GSE1: variants seen among roughly 807,000 people sequenced by gnomAD.
GSE1 encodes the protein Gse1 coiled-coil protein, also known as genetic suppressor element 1.
In GSE1, 32 loss-of-function variants were observed where a neutral mutation model predicts 112.6. The ratio of observed to expected loss-of-function variants is 0.28; its 90% CI spans 0.21 to 0.38. The LOEUF is 0.38. Among genes scored for constraint, GSE1 ranks in the 10% least tolerant of loss-of-function variants. The pLI is 1.00. For missense variants in GSE1, 2,348 were observed against 1,699.2 expected, an observed-to-expected ratio of 1.38 and a Z score of -6.71; for synonymous variants, 1,115 against 735.6, an observed-to-expected ratio of 1.52 and a Z score of -8.35.
Position 85,665,304 on chromosome 16 carries a change from A to G in GSE1, c.2758+176A>G, listed in dbSNP as rs147727374. Reference sequence around the variant, plus strand: ...ACAGTTGTGACAGTCATTGGGACGGAACGTCAGTTTGAAGGCGGGCTCAGA... The same window carrying G: ...ACAGTTGTGACAGTCATTGGGACGGGACGTCAGTTTGAAGGCGGGCTCAGA... On this transcript the variant is annotated intron_variant, in intron 12 of 15. Coordinates refer to ENST00000253458, the MANE Select transcript of GSE1 (RefSeq NM_014615.5). Among the ~76,000 whole-genome samples the G allele has an allele frequency of 7.2e-3, 1,097 of 152,118 alleles. 8 individuals are homozygous for G. The highest frequency in any genetic ancestry group is 0.012 in the Non-Finnish European group (836 of 68,028).
chr16:85,205,957 C>G (rs1209456071), intron 1 of GSE1, among the ~76,000 whole-genome samples: 1 of 152,204 alleles, frequency 6.6e-6, no homozygotes, highest in Non-Finnish European at 1.5e-5. Context: ...TCCTCCCTCA[C>G]GGAGCTTCCA....
chr16:85,614,422 G>A (rs1283153901), intron 1 of GSE1, among the ~76,000 whole-genome samples: 1 of 151,318 alleles, frequency 6.6e-6, no homozygotes, highest in East Asian at 2.0e-4. Flanking sequence ...CCAGCTTTCC[G>A]CCTCCCCTCC....
rs116942327 is a variant in GSE1, at chr16:85,184,455, T to C, written c.2283+12648T>C. ...AACCTCAGTGATGCCTGCTAAATTA[T>C]ACTTAAGAAGGGGGCCAGGCACTGG... On this transcript the variant is annotated intron_variant, in intron 1 of 2. Coordinates refer to the GSE1 transcript ENST00000637419. 7.3e-3 allele frequency among the ~76,000 whole-genome samples: 1,117 copies of C among 152,374 alleles called. 1 individual carries two copies. The highest frequency in any genetic ancestry group is 0.012 in the Non-Finnish European group (846 of 68,028).
At chr16:85,227,869 A>C (rs1198300862) in intron 1 of GSE1, among the ~76,000 whole-genome samples, 1 of 152,246 alleles carries the variant, frequency 6.6e-6, no homozygotes, top group African/African-American at 2.4e-5. Context: ...AGTGAACAAG[A>C]GAGGGAGGGC....
intron 2 of GSE1, among the ~76,000 whole-genome samples, chr16:85,398,879 C>T (rs990320421): frequency 4.6e-5 from 7 of 151,932 alleles, no homozygotes; most frequent in Non-Finnish European, 7.4e-5. Flanking sequence ...GAGTGCGCAC[C>T]GACATGTGTG....
Position 85,447,261 on chromosome 16 carries a change from C to A in GSE1, c.2464+89618C>A, listed in dbSNP as rs1351602502. Among the ~76,000 whole-genome samples, 4 of 152,184 alleles carry A rather than the reference C, an allele frequency of 2.6e-5. No homozygotes were observed. The South Asian group carries it at 8.3e-4, about 31-fold the overall frequency. ...TGGGCCCTGTTTCCGCACAAGGATT[C>A]TTTCTTGGACCACTCTTTTGGCTAC... On this transcript the variant is annotated intron_variant, in intron 2 of 2. Coordinates refer to the GSE1 transcript ENST00000637419.
intron 1 of GSE1, among the ~76,000 whole-genome samples, chr16:85,319,464 C>T (rs1222549016): frequency 6.6e-6 from 1 of 152,126 alleles, no homozygotes; most frequent in East Asian, 1.9e-4. Context: ...CTCACCCTTC[C>T]GTTCCAGCGG....
intron 1 of GSE1, among the ~76,000 whole-genome samples, chr16:85,253,665 G>A (rs1187460027): frequency 7.9e-5 from 12 of 152,320 alleles, no homozygotes; most frequent in East Asian, 1.9e-4. Flanking sequence ...AGGACATCCC[G>A]CCCAGCCTCC....
intron 2 of GSE1, among the ~76,000 whole-genome samples, chr16:85,362,755 G>C (rs558710689): frequency 1.8e-4 from 28 of 152,200 alleles, no homozygotes; most frequent in Admixed American, 1.8e-3. Flanking sequence ...ATCAGTGGTG[G>C]CCCTGGAGTA....
chr16:85,443,729 G>A (rs907665418), intron 2 of GSE1, among the ~76,000 whole-genome samples: 3 of 152,212 alleles, frequency 2.0e-5, no homozygotes, highest in African/African-American at 4.8e-5. Flanking sequence ...CGCACCAGAG[G>A]GGCCTAGCGT....
intron 1 of GSE1, among the ~76,000 whole-genome samples, chr16:85,264,496 C>T (rs943948064): frequency 2.0e-5 from 3 of 152,094 alleles, no homozygotes; most frequent in East Asian, 3.9e-4. Flanking sequence ...CCTCCCTCCT[C>T]GGCCGACTCT....
intron 1 of GSE1, among the ~76,000 whole-genome samples, chr16:85,602,953 C>A (rs912119515): frequency 5.3e-5 from 8 of 152,230 alleles, no homozygotes; most frequent in African/African-American, 9.6e-5. Flanking sequence ...GCAGGCCTTG[C>A]TTCCCTGTGC....
At chr16:85,348,721 G>A (rs1423975147) in intron 1 of GSE1, among the ~76,000 whole-genome samples, 2 of 152,314 alleles carry the variant, frequency 1.3e-5, no homozygotes, top group East Asian at 3.9e-4. Flanking sequence ...TCTGGATCGT[G>A]CTTTTGTGCA....
intron 2 of GSE1, among the ~76,000 whole-genome samples, chr16:85,497,249 G>C (rs919118895): frequency 6.6e-6 from 1 of 152,190 alleles, no homozygotes; most frequent in Admixed American, 6.5e-5. Flanking sequence ...TCCTGAAGGC[G>C]GAGTGGGTGG....
intron 2 of GSE1, among the ~76,000 whole-genome samples, chr16:85,492,978 G>C (rs961926923): frequency 7.2e-5 from 11 of 152,184 alleles, no homozygotes; most frequent in Non-Finnish European, 1.2e-4. Flanking sequence ...GTATGTGATC[G>C]GTCTGTGGGA....
chr16:85,351,819 G>A (rs754038211), intron 1 of GSE1, among the ~76,000 whole-genome samples: 4 of 152,076 alleles, frequency 2.6e-5, no homozygotes, highest in East Asian at 1.9e-4. Context: ...GTGAAAGCCC[G>A]TCTTTGCTAA....
intron 2 of GSE1, among the ~76,000 whole-genome samples, chr16:85,377,022 A>G (rs1001412217): frequency 1.3e-5 from 2 of 152,162 alleles, no homozygotes; most frequent in African/African-American, 2.4e-5. Context: ...CCTGCCTCCC[A>G]CCTTCACCGA....
intron 1 of GSE1, among the ~76,000 whole-genome samples, chr16:85,238,688 C>T (rs369625680): frequency 9.9e-5 from 15 of 152,280 alleles, no homozygotes; most frequent in East Asian, 9.7e-4. Context: ...GATCTCCCTG[C>T]TGTAGCCAGC....
chr16:85,622,080 T>A (rs182249047), intron 1 of GSE1, among the ~76,000 whole-genome samples: 1 of 152,270 alleles, frequency 6.6e-6, no homozygotes, highest in Admixed American at 6.5e-5. Context: ...ACAGAATCAT[T>A]TAGACTTAAG....
Sources: gnomAD v4.1 joint callset for allele counts (sites outside exome capture counted in the v4.1 genomes callset) on GRCh38, gnomAD v4.1.1 for gene constraint, MANE v1.5 for transcripts, NCBI Gene and HGNC (gene_info 2026-07-23, HGNC 2026-07-21) for gene names.